The following SCNN1B variants were observed in gnomAD, a reference collection of about 807,000 sequenced individuals.
SCNN1B encodes epithelial sodium channel subunit beta.
In SCNN1B, 46 loss-of-function variants were observed where a neutral mutation model predicts 65.3. The observed-to-expected ratio is 0.70, with a 90% confidence interval of 0.56 to 0.90. The LOEUF (loss-of-function observed/expected upper bound fraction) is 0.90. SCNN1B is among the 40% of genes least tolerant of loss of function. The pLI is 0.00. For missense variants in SCNN1B, 751 were observed against 830.5 expected (o/e 0.90, Z 1.18); for synonymous variants, 349 against 330.6 (o/e 1.06, Z -0.60).
chr16:23,323,287 A>G (rs1323913803), intron 1 of SCNN1B, among the ~76,000 whole-genome samples: 4 of 152,084 alleles, frequency 2.6e-5, no homozygotes, highest in Admixed American at 6.6e-5. Flanking sequence ...CTGGAGCTGC[A>G]CCTAGAAAAA....
rs2142033928 is a variant in SCNN1B at position 23,365,711 on chromosome 16, C to T, written c.777-2145C>T. On this transcript the variant is annotated intron_variant, in intron 4 of 12. Transcript: ENST00000343070. ...ACACTGGAAGCTGCAAAAGGCAGCC[C>T]TGTCTTGTTTTGCTCAGTGTCCCTA... Among the ~76,000 whole-genome samples the T allele has an allele frequency of 2.6e-5, 4 of 152,298 alleles. No homozygotes were observed. The Middle Eastern group carries it at 0.01, about 389-fold the overall frequency.
upstream of SCNN1B, among the ~76,000 whole-genome samples, chr16:23,300,810 TTGAGACCC>T (rs1466587220): frequency 1.3e-5 from 2 of 151,818 alleles, no homozygotes; most frequent in Non-Finnish European, 2.9e-5. Context: ...GGGCAACAAA[TTGAGACCC>T]TGTCTCTCTT....
intron 1 of SCNN1B, among the ~76,000 whole-genome samples, chr16:23,347,718 G>A (rs938796238): frequency 2.0e-5 from 3 of 152,088 alleles, no homozygotes; most frequent in Admixed American, 1.3e-4. Context: ...GACCAGCCTG[G>A]GCAACACGGT....
intron 1 of SCNN1B, among the ~76,000 whole-genome samples, chr16:23,339,719 C>T (rs1052344850): frequency 6.6e-6 from 1 of 151,994 alleles, no homozygotes; most frequent in East Asian, 1.9e-4. Flanking sequence ...GCGTGTGGCA[C>T]CACTCCCAGC....
At chr16:23,317,213 C>T (rs781176498) in intron 1 of SCNN1B, among the ~76,000 whole-genome samples, 3 of 152,242 alleles carry the variant, frequency 2.0e-5, no homozygotes, top group Non-Finnish European at 4.4e-5. Flanking sequence ...AGTTCCTCCT[C>T]ACAGGGCTGT....
chr16:23,365,438 A>G lies in SCNN1B; in HGVS notation c.777-2418A>G, dbSNP rs565772165. On this transcript the variant is annotated intron_variant, in intron 4 of 12. Transcript: ENST00000343070. ...AAGAAAGAGAAAGAAAGGAAGGAAG[A>G]AAGAAAGAAAGAGAAGGAGAAAGAG... 8.7e-5 allele frequency among the ~76,000 whole-genome samples: 13 copies of G among 148,582 alleles called. No homozygotes were observed. The South Asian group carries it at 1.1e-3, about 12-fold the overall frequency.
chr16:23,326,397 C>T (rs192533577), intron 1 of SCNN1B, among the ~76,000 whole-genome samples: 1 of 152,074 alleles, frequency 6.6e-6, no homozygotes, highest in East Asian at 1.9e-4. Flanking sequence ...CTGGTTAATG[C>T]CATCTGTGTT....
chr16:23,304,256 C>CACACACCCACAT (rs1961146993), intron 1 of SCNN1B, among the ~76,000 whole-genome samples: 1 of 151,768 alleles, frequency 6.6e-6, no homozygotes, highest in African/African-American at 2.4e-5. Flanking sequence ...AATGCATGCA[C>CACACACCCACAT]ACACACACAT....
At position 23,355,329 on chromosome 16, in the gene SCNN1B, C is replaced by T. The variant is rs756809433; in HGVS notation, c.616C>T (p.Arg206Trp). ...CCTCAACAGGACCCAGTGTACCTTCCGGAACTTCACCAGTGCTACCCAGGC... is the reference window on the plus strand; with the variant it reads ...CCTCAACAGGACCCAGTGTACCTTCTGGAACTTCACCAGTGCTACCCAGGC... ...CSLNRTQCTF[R>W]NFTSATQALT... Residue 206 changes from arginine (R) to tryptophan (W), a missense_variant, in exon 4 of 13, where the codon CGG becomes TGG. Physicochemically the swap from Arg to Trp is moderately radical, Grantham distance 101 (BLOSUM62 -3). Transcript: ENST00000343070. The T allele has an allele frequency of 2.8e-5, 46 of 1,614,046 alleles. No individual in the cohort carries two copies. In the Middle Eastern group the frequency reaches 2.3e-3, roughly 81 times the overall value.
intron 1 of SCNN1B, chr16:23,304,233 A>T: frequency 1.4e-6 from 1 of 692,192 alleles, no homozygotes; most frequent in Non-Finnish European, 2.5e-6. Flanking sequence ...CACTGCTCAC[A>T]TACGGACCCA....
intron 1 of SCNN1B, among the ~76,000 whole-genome samples, chr16:23,329,059 C>A (rs1961754688): frequency 6.6e-6 from 1 of 151,358 alleles, no homozygotes; most frequent in Non-Finnish European, 1.5e-5. Flanking sequence ...CTCGGCCTCC[C>A]AAAGTGCTGG....
chr16:23,305,549 TATATATA>T (rs1961184922), intron 1 of SCNN1B, among the ~76,000 whole-genome samples: 2 of 34,554 alleles, frequency 5.8e-5, no homozygotes, highest in African/African-American at 7.9e-4. Flanking sequence ...TATATATATA[TATATATA>T]TATATATATA....
intron 1 of SCNN1B, among the ~76,000 whole-genome samples, chr16:23,317,859 C>A (rs930336604): frequency 6.6e-6 from 1 of 152,192 alleles, no homozygotes; most frequent in Non-Finnish European, 1.5e-5. Context: ...CCAGGGATGT[C>A]ATTGTCAATC....
chr16:23,359,188 G>C, intron 4 of SCNN1B: 1 of 152,152 alleles, frequency 6.6e-6, no homozygotes, highest in Non-Finnish European at 1.5e-5. Flanking sequence ...CCAAAGTGCT[G>C]GAATTACAGG....
At chr16:23,371,126 G>A (rs1962773550) in intron 5 of SCNN1B, among the ~76,000 whole-genome samples, 173 bp from the exon 6 acceptor site, 1 of 152,192 alleles carries the variant, frequency 6.6e-6, no homozygotes, top group Non-Finnish European at 1.5e-5. Context: ...GATGATGGGG[G>A]CTTTGCAGAA....
At chr16:23,292,243 G>A (rs1268136856) in intron 2 of SCNN1B, among the ~76,000 whole-genome samples, 2 of 150,198 alleles carry the variant, frequency 1.3e-5, no homozygotes, top group African/African-American at 4.9e-5. Flanking sequence ...GCCCAGGCTG[G>A]AGTGCAGTGG....
intron 4 of SCNN1B, among the ~76,000 whole-genome samples, chr16:23,366,517 C>T (rs561392273): frequency 6.6e-5 from 10 of 152,088 alleles, no homozygotes; most frequent in African/African-American, 9.6e-5. Context: ...GGGGATCACC[C>T]GAGGTCAAGA....
chr16:23,335,914 C>T (rs908691772), intron 1 of SCNN1B, among the ~76,000 whole-genome samples: 1 of 152,142 alleles, frequency 6.6e-6, no homozygotes, highest in Non-Finnish European at 1.5e-5. Context: ...CTATCGTCTC[C>T]ATTAGTCATG....
intron 1 of SCNN1B, among the ~76,000 whole-genome samples, chr16:23,337,987 G>A (rs973347727): frequency 6.6e-6 from 1 of 152,142 alleles, no homozygotes; most frequent in Non-Finnish European, 1.5e-5. Flanking sequence ...TGGGAGGATC[G>A]CTGGAGTCCA....
Sources: gnomAD v4.1 joint callset for allele counts (sites outside exome capture counted in the v4.1 genomes callset) on GRCh38, gnomAD v4.1.1 for gene constraint, MANE v1.5 for transcripts, NCBI Gene and HGNC (gene_info 2026-07-23, HGNC 2026-07-21) for gene names.